PTPRE: variants seen among roughly 807,000 people sequenced by gnomAD.
PTPRE encodes the protein receptor-type tyrosine-protein phosphatase epsilon.
PTPRE carries 51 observed loss-of-function variants against 102.0 expected under a neutral mutation model. That is an observed-to-expected ratio of 0.50 (90% CI 0.40 to 0.63). PTPRE has a LOEUF of 0.63. PTPRE is among the 30% of genes least tolerant of loss of function. The pLI, the probability that PTPRE is intolerant of heterozygous loss-of-function variation, is 0.00. For synonymous variants in PTPRE, 345 were observed against 348.2 expected (o/e 0.99, Z 0.10); for missense variants, 752 against 915.1 (o/e 0.82, Z 2.30).
At position 128,028,184 on chromosome 10, in the gene PTPRE, G is replaced by T. The variant is rs1456407114; in HGVS notation, c.-7-12691G>T. Among the ~76,000 whole-genome samples the T allele has an allele frequency of 6.6e-6, 1 of 152,178 alleles. No individual in the cohort carries two copies. The highest frequency in any genetic ancestry group is 1.5e-5 in the Non-Finnish European group (1 of 68,046). On this transcript the variant is annotated intron_variant, in intron 2 of 20. Transcript: ENST00000254667. This position sits in a 1 kb window ranked among gnomAD's most constrained non-coding sequence, Gnocchi z 4.5. Reference sequence around the variant, plus strand: ...ATTCACAGAACTTTCTCCAAAGGAGGTTAGCCATGTTTGTCAGGCTCAGGG... The same window carrying T: ...ATTCACAGAACTTTCTCCAAAGGAGTTTAGCCATGTTTGTCAGGCTCAGGG...
intron 11 of PTPRE, among the ~76,000 whole-genome samples, chr10:128,067,308 GCA>G (rs1718510440): frequency 1.4e-5 from 2 of 143,814 alleles, no homozygotes; most frequent in South Asian, 2.2e-4. Context: ...ATGCACACAT[GCA>G]CATTCACACA....
intron 2 of PTPRE, among the ~76,000 whole-genome samples, chr10:128,035,655 G>T (rs763839258): frequency 3.3e-5 from 5 of 152,220 alleles, no homozygotes; most frequent in Non-Finnish European, 7.3e-5. Context: ...GGTTCGGGCT[G>T]CAGAGAGAAA....
chr10:127,987,702 TCA>T (rs1165322147), intron 2 of PTPRE, among the ~76,000 whole-genome samples: 1 of 152,186 alleles, frequency 6.6e-6, no homozygotes, highest in Admixed American at 6.5e-5. Context: ...AAGGTGAGGT[TCA>T]CCTTTTTAGA....
chr10:127,965,828 A>C (rs1293152299), intron 1 of PTPRE, among the ~76,000 whole-genome samples: 2 of 152,210 alleles, frequency 1.3e-5, no homozygotes, highest in Admixed American at 6.5e-5. Flanking sequence ...TCTGGAGCAG[A>C]ACACTGCACA....
Position 128,063,342 on chromosome 10 carries a change from G to C in PTPRE, c.723+162G>C, listed in dbSNP as rs117268835. ...CAGTGGCTTACAGCATTTTCTTCAC[G>C]AAACAAATCCCCTGTGTCCCCAGCA... On this transcript the variant is annotated intron_variant, in intron 10 of 20. Transcript: ENST00000254667. 5.1e-3 allele frequency among the ~76,000 whole-genome samples: 769 copies of C among 152,256 alleles called. 7 individuals are homozygous for C. The highest frequency in any genetic ancestry group is 0.027 in the Middle Eastern group (8 of 294).
chr10:128,042,406 C>T (rs1487584201), intron 3 of PTPRE, among the ~76,000 whole-genome samples: 2 of 152,176 alleles, frequency 1.3e-5, no homozygotes, highest in African/African-American at 4.8e-5. Flanking sequence ...TCACATATTG[C>T]CATAGACATG....
intron 3 of PTPRE, among the ~76,000 whole-genome samples, chr10:128,043,884 G>C (rs1444276795): frequency 1.3e-5 from 2 of 152,160 alleles, no homozygotes; most frequent in Non-Finnish European, 2.9e-5. Context: ...ACTGCCCCGT[G>C]GTGCATTTCA....
At chr10:127,988,547 C>T (rs183609518) in intron 2 of PTPRE, among the ~76,000 whole-genome samples, 46 of 152,198 alleles carry the variant, frequency 3.0e-4, no homozygotes, top group African/African-American at 1.1e-3. Context: ...TCAGGTGATC[C>T]GCCCACCTTG....
intron 1 of PTPRE, among the ~76,000 whole-genome samples, chr10:127,973,277 A>T (rs1182322820): frequency 6.6e-6 from 1 of 152,186 alleles, no homozygotes. Flanking sequence ...CATTTCTGTT[A>T]GGAGCACAGT....
chr10:127,959,866 G>A lies in PTPRE; in HGVS notation c.-30-22408G>A, dbSNP rs139171182. Among the ~76,000 whole-genome samples, 11 of 152,298 alleles carry A rather than the reference G, an allele frequency of 7.2e-5. No individual in the cohort carries two copies. The East Asian group carries it at 1.9e-3, about 27-fold the overall frequency. On this transcript the variant is annotated intron_variant, in intron 1 of 20. Coordinates refer to ENST00000254667, the MANE Select transcript of PTPRE (RefSeq NM_006504.6). ...TCCATGAGATATTATGAAGCTTCTA[G>A]CACAGTGCTTGGCAGGGCACTGATG...
At chr10:128,040,187 C>T (rs567088932) in intron 2 of PTPRE, among the ~76,000 whole-genome samples, 73 of 152,224 alleles carry the variant, frequency 4.8e-4, no homozygotes, top group Non-Finnish European at 8.4e-4. Flanking sequence ...TTAGACATGG[C>T]CATGGTCAGA....
intron 1 of PTPRE, among the ~76,000 whole-genome samples, chr10:127,982,052 G>A (rs547010671): frequency 3.3e-4 from 50 of 152,182 alleles, no homozygotes; most frequent in Middle Eastern, 6.8e-3. Flanking sequence ...ACCATCAACT[G>A]ATCATTAGAG....
chr10:128,067,695 C>T (rs1456536022), intron 11 of PTPRE, among the ~76,000 whole-genome samples: 1 of 152,256 alleles, frequency 6.6e-6, no homozygotes, highest in East Asian at 1.9e-4. Flanking sequence ...AGCAGGCCGA[C>T]TGCATCATCT....
In PTPRE at chr10:128,001,086, G is replaced by A. The variant is rs548456654; in HGVS notation, c.-8+18790G>A. On this transcript the variant is annotated intron_variant, in intron 2 of 20. Coordinates refer to ENST00000254667, the MANE Select transcript of PTPRE (RefSeq NM_006504.6). ...GAATATTTGGCTATTTCATATTAGA[G>A]AAACTAGGCTAAAACAACTAATCAC... is the stretch of plus-strand genomic sequence containing the variant. Among the ~76,000 whole-genome samples the A allele has an allele frequency of 6.6e-5, 10 of 152,328 alleles. No individual in the cohort carries two copies. In the East Asian group the frequency reaches 1.9e-3, roughly 29 times the overall value.
chr10:128,021,955 CTAGAG>C (rs1444675978), intron 2 of PTPRE, among the ~76,000 whole-genome samples: 1 of 152,186 alleles, frequency 6.6e-6, no homozygotes, highest in Non-Finnish European at 1.5e-5. Flanking sequence ...AGGACTGATC[CTAGAG>C]TATGCATTCA....
At chr10:128,041,566 T>C (rs958180618) in intron 3 of PTPRE, among the ~76,000 whole-genome samples, 5 of 138,830 alleles carry the variant, frequency 3.6e-5, no homozygotes, top group African/African-American at 1.4e-4. Flanking sequence ...GAGAATCACT[T>C]CAACCTGGGA....
At chr10:128,057,904 A>G (rs1393602581) in intron 7 of PTPRE, among the ~76,000 whole-genome samples, 1 of 152,232 alleles carries the variant, frequency 6.6e-6, no homozygotes, top group Non-Finnish European at 1.5e-5. Flanking sequence ...CCATGGCAGG[A>G]GGAGGTCTGA....
At chr10:127,947,437 TG>T (rs1309261060) in intron 1 of PTPRE, among the ~76,000 whole-genome samples, 2 of 152,214 alleles carry the variant, frequency 1.3e-5, no homozygotes, top group Non-Finnish European at 2.9e-5. Flanking sequence ...TCCCCTATGC[TG>T]TGTGTTAGAA....
chr10:127,948,751 T>A (rs1848806715), intron 1 of PTPRE, among the ~76,000 whole-genome samples: 1 of 152,256 alleles, frequency 6.6e-6, no homozygotes, highest in African/African-American at 2.4e-5. Context: ...ATTTAGCCAG[T>A]CACCTACATT....
Sources: allele counts gnomAD v4.1 joint callset (sites outside exome capture counted in the v4.1 genomes callset), GRCh38; gene constraint gnomAD v4.1.1; non-coding constraint Gnocchi (gnomAD v3.1); transcripts MANE v1.5; gene names NCBI Gene and HGNC (gene_info 2026-07-23, HGNC 2026-07-21).